SCG5: variants seen among roughly 807,000 people sequenced by gnomAD.
SCG5 encodes neuroendocrine protein 7B2.
In SCG5, 18 loss-of-function variants were observed where a neutral mutation model predicts 25.7. The ratio of observed to expected loss-of-function variants is 0.70; its 90% CI spans 0.48 to 1.04. The LOEUF (loss-of-function observed/expected upper bound fraction) is 1.04. Among genes scored for constraint, SCG5 ranks in the 50% least tolerant of loss-of-function variants. The pLI, the probability that SCG5 is intolerant of heterozygous loss-of-function variation, is 0.00. For missense variants in SCG5, 206 were observed against 259.8 expected (o/e 0.79, Z 1.42); for synonymous variants, 101 against 91.7 (o/e 1.10, Z -0.58).
chr15:32,674,246 A>G (rs2054493155), intron 2 of SCG5, among the ~76,000 whole-genome samples: 1 of 152,248 alleles, frequency 6.6e-6, no homozygotes, highest in South Asian at 2.1e-4. Flanking sequence ...TGATCTGAAT[A>G]CTACATGAAA....
intron 4 of SCG5, 127 bp downstream of exon 4, chr15:32,684,796 T>C (rs1282574940): frequency 4.6e-6 from 3 of 651,456 alleles, no homozygotes; most frequent in Middle Eastern, 3.1e-4. Context: ...TTCAGAAATC[T>C]CTGGTTGACA....
chr15:32,680,194 CTTTTT>C (rs10549438), intron 3 of SCG5, among the ~76,000 whole-genome samples: 5 of 114,594 alleles, frequency 4.4e-5, no homozygotes, highest in Non-Finnish European at 3.6e-5. Context: ...ACTTGCTACT[CTTTTT>C]TTTTTTTTTT....
At chr15:32,693,970 C>T (rs367661855) in intron 5 of SCG5, among the ~76,000 whole-genome samples, 2 of 152,002 alleles carry the variant, frequency 1.3e-5, no homozygotes, top group East Asian at 1.9e-4. Flanking sequence ...ATTAGCCGGG[C>T]GTGGTGGTAT....
At position 32,691,728 on chromosome 15, in the gene SCG5, G is replaced by C. The variant is rs753164742; in HGVS notation, c.508G>C (p.Glu170Gln). The C allele has an allele frequency of 8.7e-6, 14 of 1,610,434 alleles. No homozygotes were observed. Among genetic ancestry groups the C allele is most frequent in the Non-Finnish European group, 1.1e-5 (13 of 1,178,718 alleles). ...LGKWNKKLLY[E>Q]KMKGGERRKR... ...ATTCTAGAACAAGAAACTCCTTTACGAGAAGATGAAGGGAGGAGAGAGACG... is the reference window on the plus strand; with the variant it reads ...ATTCTAGAACAAGAAACTCCTTTACCAGAAGATGAAGGGAGGAGAGAGACG... The change falls in exon 5 of 6, where the codon GAG becomes CAG. Residue 170 changes from glutamate to glutamine, a missense_variant. Physicochemically the swap from Glu to Gln is conservative, Grantham distance 29. Coordinates refer to ENST00000300175, the MANE Select transcript of SCG5 (RefSeq NM_001144757.3).
chr15:32,651,517 G>C (rs1221350580), intron 2 of SCG5, among the ~76,000 whole-genome samples: 1 of 152,222 alleles, frequency 6.6e-6, no homozygotes, highest in African/African-American at 2.4e-5. Flanking sequence ...TCTCTCTGCA[G>C]TTGGAGAAAG....
At chr15:32,688,822 G>A (rs377203686) in intron 4 of SCG5, among the ~76,000 whole-genome samples, 4 of 152,056 alleles carry the variant, frequency 2.6e-5, no homozygotes, top group Non-Finnish European at 4.4e-5. Context: ...AGCCGGGCGC[G>A]GTGGCGGGTG....
At chr15:32,687,969 C>G (rs1382357962) in intron 4 of SCG5, among the ~76,000 whole-genome samples, 1 of 152,166 alleles carries the variant, frequency 6.6e-6, no homozygotes, top group Non-Finnish European at 1.5e-5. Context: ...AGACTCCTTT[C>G]TAAATACTCA....
At chr15:32,649,933 G>A (rs187034123) in intron 2 of SCG5, among the ~76,000 whole-genome samples, 12 of 152,274 alleles carry the variant, frequency 7.9e-5, no homozygotes, top group Admixed American at 3.9e-4. Flanking sequence ...TGTCTGGTTC[G>A]AGTTGGTGTT....
At chr15:32,653,891 G>A (rs1323705872) in intron 2 of SCG5, among the ~76,000 whole-genome samples, 6 of 152,146 alleles carry the variant, frequency 3.9e-5, no homozygotes. Flanking sequence ...AATTAATAGG[G>A]TGTTGGGGAA....
At chr15:32,687,822 C>T (rs1054130892) in intron 4 of SCG5, among the ~76,000 whole-genome samples, 3 of 152,208 alleles carry the variant, frequency 2.0e-5, no homozygotes, top group Non-Finnish European at 4.4e-5. Flanking sequence ...ATTAACGACA[C>T]ATCATATGCC....
chr15:32,679,761 C>T lies in SCG5; in HGVS notation c.227-5C>T, dbSNP rs138392102. The T allele has an allele frequency of 1.4e-5, 22 of 1,613,750 alleles. No homozygotes were observed. The highest frequency in any genetic ancestry group is 1.6e-4 in the Middle Eastern group (1 of 6,062). ...TGCAATGAACTACTTCTGATTCCCT[C>T]GCAGGTGGAGCTCATGAAGGACTTC... On this transcript the variant is annotated splice_region_variant and splice_polypyrimidine_tract_variant and intron_variant, in intron 2 of 5. Coordinates refer to ENST00000300175, the MANE Select transcript of SCG5 (RefSeq NM_001144757.3).
At chr15:32,692,427 C>T (rs7181171) in intron 5 of SCG5, 6,521 of 220,562 alleles carry the variant, frequency 0.03, 450 homozygotes, top group African/African-American at 0.14. Context: ...TGTTGCCTCA[C>T]GTAAAACTCA....
At chr15:32,648,984 C>G (rs1416850511) in intron 2 of SCG5, among the ~76,000 whole-genome samples, 1 of 152,186 alleles carries the variant, frequency 6.6e-6, no homozygotes, top group Non-Finnish European at 1.5e-5. Context: ...TGTTAGCCTC[C>G]TGACCTCGTG....
intron 2 of SCG5, among the ~76,000 whole-genome samples, chr15:32,648,629 T>C (rs566498351): frequency 7.9e-5 from 12 of 152,154 alleles, no homozygotes; most frequent in African/African-American, 2.9e-4. Context: ...CTCAAGGCTA[T>C]CAACACATTG....
intron 5 of SCG5, among the ~76,000 whole-genome samples, chr15:32,695,731 T>C (rs546313293): frequency 1.2e-4 from 19 of 152,268 alleles, no homozygotes; most frequent in African/African-American, 4.6e-4. Flanking sequence ...TAATTCCCAC[T>C]TGGCCCTACT....
chr15:32,684,585 T>G lies in SCG5; in HGVS notation c.405T>G (p.Pro135=). 6.2e-7 allele frequency: 1 copy of G among 1,613,498 alleles called. No individual in the cohort carries two copies. The change falls in exon 4 of 6, where the codon CCT becomes CCG. Residue 135 remains proline (P), a synonymous_variant. Transcript: ENST00000300175. ...ATGATGGATGTCTAGAAAACACCCC[T>G]GACACTGCAGAGTTCAGTCGAGAGT... ...TADDGCLENT[P]DTAEFSREFQ... is the part of the protein sequence containing the mutation.
At chr15:32,645,104 A>T (rs1223689994) in intron 2 of SCG5, among the ~76,000 whole-genome samples, 1 of 152,262 alleles carries the variant, frequency 6.6e-6, no homozygotes, top group African/African-American at 2.4e-5. Context: ...GCTTCCTGTC[A>T]TCCCTTTTAG....
At chr15:32,657,199 G>GTATATATATATATATATA (rs71113463) in intron 2 of SCG5, among the ~76,000 whole-genome samples, 161 of 6,682 alleles carry the variant, frequency 0.024, 38 homozygotes, top group African/African-American at 0.067. Flanking sequence ...TCATCCTCCT[G>GTATATATATATATATATA]TATATATATA....
intron 2 of SCG5, among the ~76,000 whole-genome samples, chr15:32,649,655 TG>T (rs1182605556): frequency 6.6e-6 from 1 of 152,106 alleles, no homozygotes; most frequent in Non-Finnish European, 1.5e-5. Flanking sequence ...CAGAGAGGAT[TG>T]GGGGTTATGT....
Sources: allele counts gnomAD v4.1 joint callset (sites outside exome capture counted in the v4.1 genomes callset), GRCh38; gene constraint gnomAD v4.1.1; transcripts MANE v1.5; gene names NCBI Gene and HGNC (gene_info 2026-07-23, HGNC 2026-07-21).